The following RRM2 variants were observed in gnomAD, a reference collection of about 807,000 sequenced individuals.
The protein encoded by RRM2 is ribonucleotide reductase regulatory subunit M2, also known as ribonucleoside-diphosphate reductase subunit M2.
RRM2 carries 6 observed loss-of-function variants against 45.9 expected under a neutral mutation model. The ratio of observed to expected loss-of-function variants is 0.13; its 90% CI spans 0.07 to 0.26. The LOEUF is 0.26. Among genes scored for constraint, RRM2 ranks in the 10% least tolerant of loss-of-function variants. RRM2 has a pLI of 1.00. For missense variants in RRM2, 343 were observed against 489.5 expected, an observed-to-expected ratio of 0.70 and a Z score of 2.82; for synonymous variants, 177 against 173.0, an observed-to-expected ratio of 1.02 and a Z score of -0.18.
intron 3 of RRM2, among the ~76,000 whole-genome samples, chr2:10,178,050 C>A (rs1663967923): frequency 6.6e-6 from 1 of 151,398 alleles, no homozygotes; most frequent in Non-Finnish European, 1.5e-5. Context: ...GCCTCCTGAG[C>A]AGCTGGGACT....
At chr2:10,208,335 G>C (rs1282825062) in intron 3 of RRM2, among the ~76,000 whole-genome samples, 1 of 152,188 alleles carries the variant, frequency 6.6e-6, no homozygotes, top group Non-Finnish European at 1.5e-5. Context: ...ATCAACAAGA[G>C]CCTTTCCCAT....
chr2:10,147,276 T>G lies in RRM2; in HGVS notation n.482+4901T>G, dbSNP rs369626853. ...TAGTTTCTTTATTTAAAGATAAGGG[T>G]TTTTTTTTGTTTTGTTTTGTTTTTG... On this transcript the variant is annotated intron_variant and non_coding_transcript_variant, in intron 3 of 3. Transcript: ENST00000381786. Among the ~76,000 whole-genome samples, 665 of 149,768 alleles carry G rather than the reference T, an allele frequency of 4.4e-3. 5 individuals carry two copies. Among genetic ancestry groups the G allele is most frequent in the African/African-American group, 0.015 (622 of 40,638 alleles).
rs549929004 is a variant in RRM2, at chr2:10,195,423, G to A, written n.483-14888G>A. On this transcript the variant is annotated intron_variant and non_coding_transcript_variant, in intron 3 of 3. Coordinates refer to the RRM2 transcript ENST00000381786. The surrounding 1 kb of genome is among the most constrained non-coding windows in gnomAD (Gnocchi z 4.9). Reference sequence around the variant, plus strand: ...GAGCCCTGGGGAGCACCGAGTCCCCGCCGTGATGGGTCCCTGAAGCACCGG... The same window carrying A: ...GAGCCCTGGGGAGCACCGAGTCCCCACCGTGATGGGTCCCTGAAGCACCGG... Among the ~76,000 whole-genome samples the A allele has an allele frequency of 1.3e-5, 2 of 152,088 alleles. No homozygotes were observed. Among genetic ancestry groups the A allele is most frequent in the Non-Finnish European group, 2.9e-5 (2 of 68,006 alleles).
rs1664151418 is a variant in RRM2, at chr2:10,185,752, TC to T, written n.483-24554del. The stretch of plus-strand genomic sequence containing the variant: ...CCTCTCTCTGTCCCTTTGTCTCCTT[TC>T]CCCCACCCTTCACCTCCCCTCTCTG... On this transcript the variant is annotated intron_variant and non_coding_transcript_variant, in intron 3 of 3. Transcript: ENST00000381786. The surrounding 1 kb of genome is among the most constrained non-coding windows in gnomAD (Gnocchi z 4.3). Among the ~76,000 whole-genome samples, 1 of 152,092 alleles carries T rather than the reference TC, an allele frequency of 6.6e-6. No homozygotes were observed.
Position 10,200,678 on chromosome 2 carries a change from T to C in RRM2, n.483-9633T>C, listed in dbSNP as rs113710980. Reference sequence around the variant, plus strand: ...CACAAAATATGAGGCCCACAGGGACTGCGCGCACAAATTATGAGTCCCACG... The same window carrying C: ...CACAAAATATGAGGCCCACAGGGACCGCGCGCACAAATTATGAGTCCCACG... On this transcript the variant is annotated intron_variant and non_coding_transcript_variant, in intron 3 of 3. Transcript: ENST00000381786. 9.8e-3 allele frequency among the ~76,000 whole-genome samples: 1,023 copies of C among 104,842 alleles called. 237 individuals carry two copies. Among genetic ancestry groups the C allele is most frequent in the African/African-American group, 0.05 (887 of 17,732 alleles). The allele number at this position is 104,842 out of a possible 152,430, so 68.8% of individuals were successfully genotyped here.
At chr2:10,139,765 G>A (rs369437680), upstream of RRM2, among the ~76,000 whole-genome samples, 5 of 152,334 alleles carry the variant, frequency 3.3e-5, no homozygotes, top group South Asian at 8.3e-4. Context: ...GGAACACAGA[G>A]AGTGGTCTGT....
intron 3 of RRM2, among the ~76,000 whole-genome samples, chr2:10,203,760 A>AATACATAC (rs3034307): frequency 0.13 from 19,615 of 150,034 alleles, 1,465 homozygotes; most frequent in Non-Finnish European, 0.17. Flanking sequence ...CACAAAAATA[A>AATACATAC]ATACATACAT....
chr2:10,142,057 A>G, intron 2 of RRM2: 1 of 1,593,948 alleles, frequency 6.3e-7, no homozygotes, highest in Non-Finnish European at 8.6e-7. Flanking sequence ...GAGCCAGAGG[A>G]TGTGGGGATC....
At chr2:10,199,288 A>AGC (rs1553329242) in intron 3 of RRM2, 3 of 112,418 alleles carry the variant, frequency 2.7e-5, no homozygotes, top group African/African-American at 9.9e-5. Flanking sequence ...GAAAAAAAAA[A>AGC]GGGGGGGGGG....
At chr2:10,197,650 C>T (rs1335013626) in intron 3 of RRM2, among the ~76,000 whole-genome samples, 4 of 152,150 alleles carry the variant, frequency 2.6e-5, no homozygotes, top group Non-Finnish European at 4.4e-5. Flanking sequence ...TACTGAGTTA[C>T]GTGGCCCCCA....
At position 10,127,996 on chromosome 2, in the gene RRM2, C is replaced by T. The variant is rs1007558080; in HGVS notation, c.798+776C>T. Among the ~76,000 whole-genome samples the T allele has an allele frequency of 3.3e-5, 5 of 151,770 alleles. No homozygotes were observed. The highest frequency in any genetic ancestry group is 1.2e-4 in the African/African-American group (5 of 41,352). ...CCTGGCTAACACGGTGAAACCCCAT[C>T]TCTACTAAAAATACAAAAAATTAGC... On this transcript the variant is annotated intron_variant, in intron 7 of 9. Transcript: ENST00000304567. This position sits in a 1 kb window ranked among gnomAD's most constrained non-coding sequence, Gnocchi z 4.1.
chr2:10,210,588 G>A (rs766496556), exon 4 of RRM2: 2 of 1,365,670 alleles, frequency 1.5e-6, no homozygotes, highest in East Asian at 9.1e-5. Context: ...GACCCCCCAG[G>A]GCCCCATAGA....
upstream of RRM2, among the ~76,000 whole-genome samples, chr2:10,139,300 G>A (rs1448836545): frequency 2.6e-5 from 4 of 152,342 alleles, no homozygotes; most frequent in East Asian, 7.7e-4. Flanking sequence ...TTCTAAAGTA[G>A]AAGTTATTAT....
downstream of RRM2, among the ~76,000 whole-genome samples, chr2:10,136,112 CG>C (rs1662985802): frequency 6.6e-6 from 1 of 152,140 alleles, no homozygotes; most frequent in African/African-American, 2.4e-5. Context: ...TTCCTGTGTC[CG>C]GGCAGCACCA....
At position 10,185,560 on chromosome 2, in the gene RRM2, C is replaced by T. The variant is rs1226161870; in HGVS notation, n.483-24751C>T. Among the ~76,000 whole-genome samples, 2 of 152,146 alleles carry T rather than the reference C, an allele frequency of 1.3e-5. No individual in the cohort carries two copies. The highest frequency in any genetic ancestry group is 2.9e-5 in the Non-Finnish European group (2 of 68,042). Reference sequence around the variant, plus strand: ...CACCCATTCACTCCTCTCCCAAATCCGGATGGTTTTAAGGTGATTTTAGCC... The same window carrying T: ...CACCCATTCACTCCTCTCCCAAATCTGGATGGTTTTAAGGTGATTTTAGCC... On this transcript the variant is annotated intron_variant and non_coding_transcript_variant, in intron 3 of 3. Coordinates refer to the RRM2 transcript ENST00000381786. This position sits in a 1 kb window ranked among gnomAD's most constrained non-coding sequence, Gnocchi z 4.3.
intron 3 of RRM2, among the ~76,000 whole-genome samples, chr2:10,155,474 G>A (rs538338989): frequency 2.0e-5 from 3 of 152,036 alleles, no homozygotes; most frequent in Non-Finnish European, 4.4e-5. Flanking sequence ...ATTAGACTGA[G>A]CTTGGTGTGT....
At chr2:10,125,720 C>T (rs937903011) in intron 5 of RRM2, among the ~76,000 whole-genome samples, 9 of 152,118 alleles carry the variant, frequency 5.9e-5, no homozygotes, top group Non-Finnish European at 1.3e-4. Context: ...GGGACCAGAA[C>T]CTTGTATGGA....
chr2:10,158,405 C>G (rs895732263), intron 3 of RRM2, among the ~76,000 whole-genome samples: 1 of 152,140 alleles, frequency 6.6e-6, no homozygotes. Context: ...TCCCCCTGCA[C>G]AACTCCTGCC....
chr2:10,174,996 C>T (rs1336027942), intron 3 of RRM2, among the ~76,000 whole-genome samples: 1 of 152,186 alleles, frequency 6.6e-6, no homozygotes, highest in East Asian at 1.9e-4. Flanking sequence ...CCAAATATAC[C>T]CAGAAAGTCC....
Sources: allele counts gnomAD v4.1 joint callset (sites outside exome capture counted in the v4.1 genomes callset), GRCh38; gene constraint gnomAD v4.1.1; non-coding constraint Gnocchi (gnomAD v3.1); transcripts MANE v1.5; gene names NCBI Gene and HGNC (gene_info 2026-07-23, HGNC 2026-07-21).